Variants in RUFY3 observed in about 807,000 individuals in gnomAD.
RUFY3 encodes RUN and FYVE domain containing 3, also known as protein RUFY3.
RUFY3 carries 34 observed loss-of-function variants against 84.0 expected under a neutral mutation model. The observed-to-expected ratio is 0.40, with a 90% CI of 0.31 to 0.54. RUFY3 has a LOEUF of 0.54. RUFY3 is among the 20% of genes least tolerant of loss of function. The pLI is 0.39. For synonymous variants in RUFY3, 242 were observed against 252.9 expected (o/e 0.96, Z 0.41); for missense variants, 507 against 736.8 (o/e 0.69, Z 3.61).
chr4:70,762,518 G>C lies in RUFY3; in HGVS notation c.179-1G>C. 1 of 1,598,162 alleles carries C rather than the reference G, an allele frequency of 6.3e-7. No homozygotes were observed. The highest frequency in any genetic ancestry group is 8.6e-7 in the Non-Finnish European group (1 of 1,169,244). ...TTCATCTTCTTCCCCTTTGGCTGCAGATCCTAATTATCTCATGGCTAATGA... is the reference window on the plus strand; with the variant it reads ...TTCATCTTCTTCCCCTTTGGCTGCACATCCTAATTATCTCATGGCTAATGA... On this transcript the variant is annotated splice_acceptor_variant, in intron 1 of 17. Transcript: ENST00000381006. LOFTEE classifies it high-confidence loss of function.
chr4:70,779,858 C>T (rs1032142347), intron 8 of RUFY3, among the ~76,000 whole-genome samples: 1 of 152,012 alleles, frequency 6.6e-6, no homozygotes, highest in Admixed American at 6.5e-5. Flanking sequence ...ATAGGCATAG[C>T]CACTGCGCCT....
chr4:70,719,966 T>C (rs150981170), upstream of RUFY3, among the ~76,000 whole-genome samples: 83 of 152,304 alleles, frequency 5.4e-4, no homozygotes, highest in East Asian at 0.014. Context: ...GAGAATGAGA[T>C]AGAAATAAAA....
In RUFY3 at chr4:70,762,583, G is replaced by A; in HGVS notation, c.243G>A (p.Lys81=). ...NLMNMAKLSI[K]GLIESALNLG... is the part of the protein sequence containing the mutation. ...TGAACATGGCCAAGCTGAGTATCAA[G>A]GGCTTGATTGAATCAGCTCTGAACC... The change falls in exon 2 of 18, where the codon AAG becomes AAA. Residue 81 remains lysine (K), a synonymous_variant. Coordinates refer to ENST00000381006, the MANE Select transcript of RUFY3 (RefSeq NM_001037442.4). 6.2e-7 allele frequency: 1 copy of A among 1,613,868 alleles called. No individual in the cohort carries two copies. Among genetic ancestry groups the A allele is most frequent in the Non-Finnish European group, 8.5e-7 (1 of 1,179,848 alleles).
At chr4:70,774,614 CAAAAAAAAAAAAAAAAA>C (rs1172638290) in intron 6 of RUFY3, among the ~76,000 whole-genome samples, 1 of 22,084 alleles carries the variant, frequency 4.5e-5, no homozygotes, top group Non-Finnish European at 7.0e-5. Flanking sequence ...GACTCTGCCT[CAAAAAAAAAAAAAAAAA>C]AAAAAAAAAA....
chr4:70,792,184 A>T (rs1560565299), intron 12 of RUFY3: 1 of 985,502 alleles, frequency 1.0e-6, no homozygotes, highest in East Asian at 1.1e-4. Flanking sequence ...ATATTGGAGT[A>T]AAAAGGACAG....
At position 70,772,232 on chromosome 4, in the gene RUFY3, A is replaced by G. The variant is rs377134050; in HGVS notation, c.697-1279A>G. On this transcript the variant is annotated intron_variant, in intron 5 of 17. Transcript: ENST00000381006. ...CTGTACAGTTGTCCTTCAGTGTCCA[A>G]AGGAGATTATTTCCAGCACCTCCAT... Among the ~76,000 whole-genome samples, 30 of 152,116 alleles carry G rather than the reference A, an allele frequency of 2.0e-4. No individual in the cohort carries two copies. The East Asian group carries it at 3.1e-3, about 16-fold the overall frequency.
intron 11 of RUFY3, among the ~76,000 whole-genome samples, chr4:70,789,289 T>C (rs1730424604): frequency 2.0e-5 from 3 of 152,224 alleles, no homozygotes; most frequent in East Asian, 3.8e-4. Flanking sequence ...TGGAATGTGA[T>C]ACATTGATGA....
At chr4:70,775,807 A>G (rs1304931233) in intron 7 of RUFY3, among the ~76,000 whole-genome samples, 1 of 152,056 alleles carries the variant, frequency 6.6e-6, no homozygotes, top group Non-Finnish European at 1.5e-5. Flanking sequence ...CTAGCCGGGC[A>G]TGTGCCTGTA....
chr4:70,752,661 T>C (rs73824882), intron 1 of RUFY3, among the ~76,000 whole-genome samples: 4,101 of 152,340 alleles, frequency 0.027, 77 homozygotes, highest in Middle Eastern at 0.054. Flanking sequence ...CTGCTTCTAA[T>C]GAAATGACCA....
At chr4:70,758,335 C>T (rs1724389328) in intron 1 of RUFY3, among the ~76,000 whole-genome samples, 1 of 152,040 alleles carries the variant, frequency 6.6e-6, no homozygotes, top group Admixed American at 6.6e-5. Flanking sequence ...TATTAGCAGC[C>T]AACATTATTT....
Position 70,753,893 on chromosome 4 carries a change from T to C in RUFY3, c.179-8626T>C, listed in dbSNP as rs755155498. On this transcript the variant is annotated intron_variant, in intron 1 of 17. Coordinates refer to ENST00000381006, the MANE Select transcript of RUFY3 (RefSeq NM_001037442.4). ...TGAGGAAATTGAAGCTTCAAAGGGG[T>C]GAGATTTCTTGCCTGAAGTCATATA... 2.6e-5 allele frequency among the ~76,000 whole-genome samples: 4 copies of C among 152,176 alleles called. No individual in the cohort carries two copies. The Middle Eastern group carries it at 0.01, about 388-fold the overall frequency.
intron 8 of RUFY3, among the ~76,000 whole-genome samples, chr4:70,780,835 A>G (rs1728794480): frequency 6.6e-6 from 1 of 152,320 alleles, no homozygotes; most frequent in Non-Finnish European, 1.5e-5. Flanking sequence ...AATACTAACA[A>G]TATTTATTCA....
chr4:70,782,584 AG>A (rs1729113686), intron 8 of RUFY3, among the ~76,000 whole-genome samples: 1 of 151,974 alleles, frequency 6.6e-6, no homozygotes, highest in Non-Finnish European at 1.5e-5. Context: ...CACCTGGCCA[AG>A]GAGATATTTT....
chr4:70,778,635 A>G (rs1346240373), intron 8 of RUFY3, among the ~76,000 whole-genome samples, 197 bp downstream of exon 8: 2 of 132,620 alleles, frequency 1.5e-5, no homozygotes, highest in African/African-American at 2.9e-5. Flanking sequence ...GCTGGAGTGC[A>G]GTGGCGCGAT....
chr4:70,744,751 T>C (rs1385180914), intron 1 of RUFY3, among the ~76,000 whole-genome samples: 1 of 150,270 alleles, frequency 6.7e-6, no homozygotes, highest in African/African-American at 2.5e-5. Flanking sequence ...ACCTCCCAGA[T>C]TGAAGCAATT....
intron 8 of RUFY3, among the ~76,000 whole-genome samples, chr4:70,780,421 G>GTA (rs1484084820): frequency 2.0e-5 from 3 of 152,084 alleles, no homozygotes; most frequent in Non-Finnish European, 4.4e-5. Flanking sequence ...CAGCCTCCGA[G>GTA]TAGCCGGGAC....
Position 70,764,576 on chromosome 4 carries a change from G to C in RUFY3, c.572G>C (p.Ser191Thr), listed in dbSNP as rs1368842110. The C allele has an allele frequency of 6.4e-7, 1 of 1,555,592 alleles. No homozygotes were observed. The highest frequency in any genetic ancestry group is 8.9e-7 in the Non-Finnish European group (1 of 1,129,132). ...TTGATCAATAAGAAAGAACTTCTCA[G>C]GTATGAACACCTTCTTGAACTTTCT... ...KALINKKELL[S>T]EFYEPNALMM... Residue 191 changes from serine to threonine, a missense_variant and splice_region_variant, in exon 4 of 18, where the codon AGT (serine) becomes ACT (threonine). By Grantham distance (58) the Ser-to-Thr change is moderately conservative. Coordinates refer to ENST00000381006, the MANE Select transcript of RUFY3 (RefSeq NM_001037442.4).
At chr4:70,782,365 TCACTGCAACCTCTGGTTCAAGC>T (rs1729070417) in intron 8 of RUFY3, among the ~76,000 whole-genome samples, 1 of 149,732 alleles carries the variant, frequency 6.7e-6, no homozygotes, top group South Asian at 2.1e-4. Context: ...TGATCTCGGG[TCACTGCAACCTCTGGTTCAAGC>T]TATTCTCCTG....
At chr4:70,765,227 T>TC in intron 4 of RUFY3, among the ~76,000 whole-genome samples, 1 of 138,944 alleles carries the variant, frequency 7.2e-6, no homozygotes, top group South Asian at 2.4e-4. Context: ...ATATATATAT[T>TC]TGTAAAATCA....
Sources: allele counts gnomAD v4.1 joint callset (sites outside exome capture counted in the v4.1 genomes callset), GRCh38; gene constraint gnomAD v4.1.1; transcripts MANE v1.5; gene names NCBI Gene and HGNC (gene_info 2026-07-23, HGNC 2026-07-21).